Variants in XRCC1 observed in about 807,000 individuals in gnomAD.
XRCC1 encodes X-ray repair cross complementing 1.
Under a neutral mutation model 83.3 loss-of-function variants are expected in XRCC1, and 52 were observed. That is an observed-to-expected ratio of 0.62 (90% confidence interval 0.50 to 0.79). The LOEUF (loss-of-function observed/expected upper bound fraction) is 0.79. Among genes scored for constraint, XRCC1 ranks in the 30% least tolerant of loss-of-function variants. The pLI is 0.00. For missense variants in XRCC1, 793 were observed against 823.5 expected (o/e 0.96, Z 0.45); for synonymous variants, 281 against 312.6 (o/e 0.90, Z 1.07).
chr19:43,549,508 A>AC (rs1176983662), intron 10 of XRCC1, among the ~76,000 whole-genome samples: 2 of 152,118 alleles, frequency 1.3e-5, no homozygotes, highest in Non-Finnish European at 2.9e-5. Flanking sequence ...TGATCTGCCC[A>AC]CCTTGGCCTC....
Position 43,560,254 on chromosome 19 carries a change from G to A in XRCC1, c.255+656C>T, listed in dbSNP as rs559244168. 3.9e-5 allele frequency among the ~76,000 whole-genome samples: 6 copies of A among 152,054 alleles called. No homozygotes were observed. In the South Asian group the frequency reaches 1.0e-3, roughly 26 times the overall value. The stretch of plus-strand genomic sequence containing the variant: ...AAATACAAAAAAAAAAAGTTAGCCG[G>A]GCGTGGTGGTGGGCACCTGTAGTCC... On this transcript the variant is annotated intron_variant, in intron 3 of 16. Coordinates refer to ENST00000262887, the MANE Select transcript of XRCC1 (RefSeq NM_006297.3).
chr19:43,552,150 C>G lies in XRCC1; in HGVS notation c.949G>C (p.Gly317Arg). 1 of 1,614,110 alleles carries G rather than the reference C, an allele frequency of 6.2e-7. No homozygotes were observed. Among genetic ancestry groups the G allele is most frequent in the East Asian group, 2.2e-5 (1 of 44,878 alleles). The change falls in exon 9 of 17, where the codon GGG (glycine) becomes CGG (arginine). Residue 317 changes from glycine (G) to arginine (R), a missense_variant. Coordinates refer to ENST00000262887, the MANE Select transcript of XRCC1 (RefSeq NM_006297.3). ...ACTACCACACCCTGAAGGATCTTCC[C>G]CAGCTCCTCTGGGCCAGCTCGGGGT... ...RRPRAGPEEL[G>R]KILQGVVVVL...
chr19:43,548,501 G>A (rs1359204775), intron 10 of XRCC1, among the ~76,000 whole-genome samples: 1 of 152,166 alleles, frequency 6.6e-6, no homozygotes, highest in Admixed American at 6.5e-5. Context: ...TGAAACATGT[G>A]TTGTGTCCAC....
chr19:43,562,935 G>A (rs1028956565), intron 2 of XRCC1, among the ~76,000 whole-genome samples: 7 of 152,222 alleles, frequency 4.6e-5, no homozygotes, highest in Non-Finnish European at 1.0e-4. Context: ...TCTTACACAT[G>A]AGCAAACGGA....
Position 43,575,139 on chromosome 19 carries a change from T to C in XRCC1, c.52-137A>G, listed in dbSNP as rs1014835252. Reference sequence around the variant, plus strand: ...AGCTCTCCCGTTAATCCCCCGACACTCTGCCTGGAGTTTCCCCTACAACAC... The same window carrying C: ...AGCTCTCCCGTTAATCCCCCGACACCCTGCCTGGAGTTTCCCCTACAACAC... On this transcript the variant is annotated intron_variant, in intron 1 of 16. Transcript: ENST00000262887. 1.7e-5 allele frequency: 14 copies of C among 806,474 alleles called. 1 individual carries two copies. In the African/African-American group the frequency reaches 2.4e-4, roughly 14 times the overall value. The allele number at this position is 806,474 out of a possible 1,614,324, so 50.0% of individuals were successfully genotyped here. A position where few individuals can be genotyped will look rare whatever the true frequency, so the allele number is the denominator to read the frequency against.
At chr19:43,552,750 C>G (rs1314366500) in intron 8 of XRCC1, 47 bp downstream of exon 8, 2 of 1,519,514 alleles carry the variant, frequency 1.3e-6, no homozygotes, top group African/African-American at 2.8e-5. Context: ...TCCCCTAGGA[C>G]ACAGGAGCAC....
rs754424291 is a variant in XRCC1, at chr19:43,552,194, TCTC to T, written c.902_904del (p.Gly301del). 5.6e-6 allele frequency: 9 copies of T among 1,613,792 alleles called. No homozygotes were observed. The highest frequency in any genetic ancestry group is 5.9e-6 in the Non-Finnish European group (7 of 1,179,932). On this transcript the variant is annotated inframe_deletion, in exon 9 of 17. Transcript: ENST00000262887. ...TCGGGGTCGTCTGGGCTCGGTGCCT[TCTC>T]CTCGGGGTTTGCCTGTCACTGCCCC...
At chr19:43,574,130 C>A (rs553450189) in intron 2 of XRCC1, among the ~76,000 whole-genome samples, 1 of 151,840 alleles carries the variant, frequency 6.6e-6, no homozygotes, top group Non-Finnish European at 1.5e-5. Flanking sequence ...GGCTGGAGTG[C>A]AGTGGCACAA....
At chr19:43,559,479 C>CAAAAAAAAAAA (rs58121949) in intron 3 of XRCC1, among the ~76,000 whole-genome samples, 1 of 56,530 alleles carries the variant, frequency 1.8e-5, no homozygotes, top group Non-Finnish European at 3.0e-5. Flanking sequence ...GACTCCATCT[C>CAAAAAAAAAAA]AAAAAAAAAA....
intron 4 of XRCC1, chr19:43,553,895 C>T (rs1037453493): frequency 4.1e-6 from 2 of 486,322 alleles, no homozygotes; most frequent in East Asian, 3.0e-5. Flanking sequence ...GCCCTTTTCA[C>T]GCATTAGCTC....
chr19:43,554,889 G>A (rs1972620765), intron 3 of XRCC1, 85 bp from the exon 4 acceptor site: 2 of 1,444,284 alleles, frequency 1.4e-6, no homozygotes, highest in Admixed American at 2.0e-5. Context: ...GAGGGCACAG[G>A]GCCCACACAG....
intron 2 of XRCC1, among the ~76,000 whole-genome samples, chr19:43,569,475 C>CAA (rs34545606): frequency 0.17 from 21,875 of 129,486 alleles, 1,886 homozygotes; most frequent in Non-Finnish European, 0.2. Flanking sequence ...GACCCTGTCT[C>CAA]AAAAAAAAAA....
chr19:43,552,242 G>T lies in XRCC1; in HGVS notation c.857C>A (p.Pro286Gln). ...TGCCCCCTGTGCTCGGGCAGGGACT[G>T]GGGCTGTGGCTGGGGTACGAGTTGG... is the stretch of plus-strand genomic sequence containing the variant. ...PAPTRTPATA[P>Q]VPARAQGAVT... is the part of the protein sequence containing the mutation. The change falls in exon 9 of 17, where the codon CCA becomes CAA. Residue 286 changes from proline to glutamine, a missense_variant. Transcript: ENST00000262887. 1 of 1,611,920 alleles carries T rather than the reference G, an allele frequency of 6.2e-7. No homozygotes were observed. The highest frequency in any genetic ancestry group is 2.2e-5 in the East Asian group (1 of 44,792).
At chr19:43,570,704 G>C (rs1049384011) in intron 2 of XRCC1, among the ~76,000 whole-genome samples, 7 of 152,190 alleles carry the variant, frequency 4.6e-5, no homozygotes, top group Non-Finnish European at 7.3e-5. Context: ...AGGATTGCCT[G>C]AGCCCAGGAG....
intron 2 of XRCC1, among the ~76,000 whole-genome samples, chr19:43,562,145 CAA>C (rs1203247615): frequency 7.5e-3 from 316 of 42,182 alleles, no homozygotes; most frequent in Admixed American, 0.014. Flanking sequence ...GACTCTGTCA[CAA>C]AAAAAAAAAA....
chr19:43,555,362 TA>T (rs1412265425), intron 3 of XRCC1: 5 of 152,182 alleles, frequency 3.3e-5, no homozygotes, highest in African/African-American at 1.2e-4. Context: ...GCTCTGCCAA[TA>T]GGGGGGGCAA....
intron 2 of XRCC1, among the ~76,000 whole-genome samples, chr19:43,568,092 C>G (rs1972770993): frequency 1.3e-5 from 2 of 151,544 alleles, no homozygotes; most frequent in Admixed American, 1.3e-4. Context: ...CCAGGCTGGT[C>G]TTGAACACCT....
At chr19:43,571,217 C>G (rs1005497403) in intron 2 of XRCC1, among the ~76,000 whole-genome samples, 12 of 152,180 alleles carry the variant, frequency 7.9e-5, no homozygotes, top group African/African-American at 1.9e-4. Context: ...CCTCTCTCCC[C>G]CTGGCTGACT....
At chr19:43,546,233 C>A in intron 12 of XRCC1, 127 bp from the exon 13 acceptor site, 1 of 1,095,268 alleles carries the variant, frequency 9.1e-7, no homozygotes, top group Non-Finnish European at 1.4e-6. Flanking sequence ...ATCCAGTCGT[C>A]TGGGCCCCCA....
Sources: allele counts gnomAD v4.1 joint callset (sites outside exome capture counted in the v4.1 genomes callset), GRCh38; gene constraint gnomAD v4.1.1; transcripts MANE v1.5; gene names NCBI Gene and HGNC (gene_info 2026-07-23, HGNC 2026-07-21).